Variants in INVS observed in about 807,000 individuals in gnomAD.
The protein encoded by INVS is inversin, also known as inversion of embryo turning homolog.
INVS carries 86 observed loss-of-function variants against 108.8 expected under a neutral mutation model. That is an observed-to-expected ratio of 0.79 (90% CI 0.66 to 0.95). INVS has a LOEUF of 0.95. Ranked by LOEUF, INVS falls within the 40% of genes least tolerant of loss-of-function variation. The pLI, the probability that INVS is intolerant of heterozygous loss-of-function variation, is 0.00. For synonymous variants in INVS, 455 were observed against 473.5 expected (o/e 0.96, Z 0.51); for missense variants, 1,169 against 1,297.4 (o/e 0.90, Z 1.52).
chr9:100,219,388 C>G (rs1831077266), intron 3 of INVS, among the ~76,000 whole-genome samples: 1 of 152,212 alleles, frequency 6.6e-6, no homozygotes, highest in South Asian at 2.1e-4. Context: ...GGTAGGATCA[C>G]TTGAGCCCAG....
intron 3 of INVS, among the ~76,000 whole-genome samples, chr9:100,200,288 T>C (rs1830498664): frequency 6.6e-6 from 1 of 152,188 alleles, no homozygotes; most frequent in South Asian, 2.1e-4. Context: ...TCTTAAGATA[T>C]CTTTATTTTG....
intron 16 of INVS, 21 bp downstream of exon 16, chr9:100,298,031 C>A: frequency 6.2e-7 from 1 of 1,614,132 alleles, no homozygotes. Flanking sequence ...CACTGCAAAG[C>A]AGATGGTGGG....
At chr9:100,276,430 T>G (rs1369038572) in intron 12 of INVS, among the ~76,000 whole-genome samples, 1 of 152,254 alleles carries the variant, frequency 6.6e-6, no homozygotes, top group Non-Finnish European at 1.5e-5. Context: ...TTGCTAGTGC[T>G]GCTACCATTG....
At chr9:100,140,584 C>T (rs1266395407) in intron 3 of INVS, among the ~76,000 whole-genome samples, 1 of 152,054 alleles carries the variant, frequency 6.6e-6, no homozygotes, top group Non-Finnish European at 1.5e-5. Flanking sequence ...GGCTCAGAGG[C>T]CTGACATTCC....
chr9:100,257,632 G>T (rs979404453), intron 10 of INVS, among the ~76,000 whole-genome samples: 18 of 152,186 alleles, frequency 1.2e-4, no homozygotes, highest in Admixed American at 3.9e-4. Context: ...GCATTTGCTT[G>T]TCTGTAAAGG....
Position 100,284,479 on chromosome 9 carries a change from C to T in INVS, c.1944C>T (p.Asn648=), listed in dbSNP as rs369319343. ...CCAGCAAGCAGCCTCCTGCTGGCAA[C>T]GTGGCCCAAGGCCCTGAGCCAAGAG... ...RAPSKQPPAG[N]VAQGPEPRDS... Residue 648 remains asparagine (N), a synonymous_variant, in exon 13 of 17, where the codon AAC becomes AAT. Transcript: ENST00000262457. 232 of 1,614,132 alleles carry T rather than the reference C, an allele frequency of 1.4e-4. No homozygotes were observed. The highest frequency in any genetic ancestry group is 3.2e-4 in the South Asian group (29 of 91,078).
At chr9:100,193,273 C>A (rs1229118745) in intron 3 of INVS, among the ~76,000 whole-genome samples, 1 of 152,086 alleles carries the variant, frequency 6.6e-6, no homozygotes, top group Non-Finnish European at 1.5e-5. Flanking sequence ...AGTCATTGCG[C>A]CCAGTCAGCA....
At chr9:100,193,461 ATTTT>A (rs1420010135) in intron 3 of INVS, among the ~76,000 whole-genome samples, 1 of 152,092 alleles carries the variant, frequency 6.6e-6, no homozygotes, top group Non-Finnish European at 1.5e-5. Flanking sequence ...CGTATTTAGT[ATTTT>A]CTTGAATGTA....
At chr9:100,296,062 G>C (rs1833782249) in intron 14 of INVS, among the ~76,000 whole-genome samples, 1 of 152,180 alleles carries the variant, frequency 6.6e-6, no homozygotes, top group African/African-American at 2.4e-5. Flanking sequence ...GCTGCAAGGA[G>C]CTTTTAGCAG....
chr9:100,172,092 G>A (rs1829559654), intron 3 of INVS, among the ~76,000 whole-genome samples: 1 of 151,844 alleles, frequency 6.6e-6, no homozygotes, highest in South Asian at 2.1e-4. Context: ...AAAATGATAA[G>A]GCCCTTGAGC....
intron 3 of INVS, among the ~76,000 whole-genome samples, chr9:100,165,778 GC>G (rs2119024954): frequency 6.6e-6 from 1 of 152,242 alleles, no homozygotes; most frequent in Admixed American, 6.5e-5. Flanking sequence ...TTTGACATGA[GC>G]CTAGTATTTG....
Position 100,253,138 on chromosome 9 carries a change from T to G in INVS, c.1464+2T>G. 1.2e-6 allele frequency: 2 copies of G among 1,604,792 alleles called. No individual in the cohort carries two copies. Among genetic ancestry groups the G allele is most frequent in the African/African-American group, 2.7e-5 (2 of 74,838 alleles). On this transcript the variant is annotated splice_donor_variant, in intron 10 of 16. Transcript: ENST00000262457. LOFTEE classifies it high-confidence loss of function. ...GACCCTAACATTCAAGACAAAGAGG[T>G]AGAAATTCTGTCTTTTCTATATTGT...
intron 12 of INVS, 133 bp from the exon 13 acceptor site, chr9:100,284,187 G>C: frequency 9.7e-7 from 1 of 1,028,754 alleles, no homozygotes; most frequent in South Asian, 1.5e-5. Flanking sequence ...AGAAAAGACT[G>C]CTCTTGGAAA....
chr9:100,162,713 A>G (rs575309454), intron 3 of INVS, among the ~76,000 whole-genome samples: 1 of 152,176 alleles, frequency 6.6e-6, no homozygotes, highest in South Asian at 2.1e-4. Context: ...CAGTAATCCC[A>G]GCTACTCAGG....
At chr9:100,267,067 T>C (rs1233906069) in intron 11 of INVS, among the ~76,000 whole-genome samples, 1 of 150,460 alleles carries the variant, frequency 6.6e-6, no homozygotes, top group African/African-American at 2.4e-5. Flanking sequence ...TCCTTAGACT[T>C]AGTGATGACT....
intron 1 of INVS, among the ~76,000 whole-genome samples, chr9:100,100,962 T>A (rs1334423593): frequency 4.8e-5 from 2 of 41,976 alleles, no homozygotes; most frequent in East Asian, 5.8e-3. Context: ...ATATTATATA[T>A]ATAATATATA....
intron 7 of INVS, among the ~76,000 whole-genome samples, chr9:100,245,688 A>G (rs536418601): frequency 6.6e-6 from 1 of 152,346 alleles, no homozygotes; most frequent in South Asian, 2.1e-4. Context: ...CTCAGTAACC[A>G]TCAATCAGTA....
intron 13 of INVS, among the ~76,000 whole-genome samples, chr9:100,285,062 C>T (rs1055421669): frequency 1.3e-5 from 2 of 152,172 alleles, no homozygotes; most frequent in African/African-American, 2.4e-5. Flanking sequence ...ATTCTTGTAT[C>T]ATTTCCTTTC....
intron 3 of INVS, among the ~76,000 whole-genome samples, chr9:100,180,201 T>C (rs905728113): frequency 1.3e-5 from 2 of 151,810 alleles, no homozygotes; most frequent in Non-Finnish European, 2.9e-5. Flanking sequence ...AGATCTAAAA[T>C]CGACACCCTA....
Sources: allele counts gnomAD v4.1 joint callset (sites outside exome capture counted in the v4.1 genomes callset), GRCh38; gene constraint gnomAD v4.1.1; transcripts MANE v1.5; gene names NCBI Gene and HGNC (gene_info 2026-07-23, HGNC 2026-07-21).